The following RTKN2 variants were observed in gnomAD, a reference collection of about 807,000 sequenced individuals.
RTKN2 encodes the protein rhotekin-2.
RTKN2 carries 69 observed loss-of-function variants against 71.5 expected under a neutral mutation model. The ratio of observed to expected loss-of-function variants is 0.96; its 90% CI spans 0.79 to 1.18. The LOEUF is 1.18. Ranked by LOEUF, RTKN2 falls within the 50% of genes most tolerant of loss-of-function variation. The pLI is 0.00. For synonymous variants in RTKN2, 236 were observed against 236.5 expected (o/e 1.00, Z 0.02); for missense variants, 724 against 719.7 (o/e 1.01, Z -0.07).
intron 9 of RTKN2, among the ~76,000 whole-genome samples, chr10:62,214,240 A>C (rs1841721872): frequency 6.6e-6 from 1 of 152,114 alleles, no homozygotes; most frequent in Admixed American, 6.6e-5. Context: ...TTTTATGTCT[A>C]ATTTTAAAAT....
chr10:62,260,164 C>T (rs1200196607), intron 2 of RTKN2, among the ~76,000 whole-genome samples: 1 of 152,280 alleles, frequency 6.6e-6, no homozygotes, highest in East Asian at 1.9e-4. Context: ...AAGGTACAGA[C>T]TGCTAAGTCT....
intron 2 of RTKN2, 48 bp from the exon 3 acceptor site, chr10:62,246,105 A>C (rs751269765): frequency 1.6e-6 from 2 of 1,216,722 alleles, no homozygotes; most frequent in African/African-American, 3.1e-5. Flanking sequence ...TCTAATAAGC[A>C]ATTATTTTAA....
chr10:62,234,800 A>C (rs1842221466), intron 6 of RTKN2, among the ~76,000 whole-genome samples: 2 of 152,184 alleles, frequency 1.3e-5, no homozygotes, highest in African/African-American at 4.8e-5. Flanking sequence ...TTGGCTGTTA[A>C]AAACCATAGA....
At chr10:62,213,280 G>C (rs1188269783) in intron 9 of RTKN2, among the ~76,000 whole-genome samples, 1 of 150,692 alleles carries the variant, frequency 6.6e-6, no homozygotes, top group Non-Finnish European at 1.5e-5. Context: ...ATAGTAAAGA[G>C]GGAAGATTAT....
In RTKN2 at chr10:62,262,646, A is replaced by G. The variant is rs1564532235; in HGVS notation, c.236T>C (p.Ile79Thr). ...TAACCATCTTCCAGTCTGATTTGCA[A>G]TCTGTTCTTCTAATTTCTGTAGCTC... ...TSELQKLEEQ[I>T]ANQTGRCDVK... Residue 79 changes from isoleucine to threonine, a missense_variant, in exon 2 of 12, where the codon ATT becomes ACT. Ile to Thr is a moderately conservative substitution (Grantham distance 89). Coordinates refer to ENST00000373789, the MANE Select transcript of RTKN2 (RefSeq NM_145307.4). 1.2e-6 allele frequency: 2 copies of G among 1,607,200 alleles called. No individual in the cohort carries two copies. Among genetic ancestry groups the G allele is most frequent in the South Asian group, 1.1e-5 (1 of 89,512 alleles).
At chr10:62,246,259 C>T (rs558080305) in intron 2 of RTKN2, among the ~76,000 whole-genome samples, 8 of 152,022 alleles carry the variant, frequency 5.3e-5, no homozygotes, top group Admixed American at 1.3e-4. Context: ...GAGCCACTCC[C>T]GATTTTTCAT....
exon 9 of RTKN2, chr10:62,184,024 C>A (rs758351384): frequency 6.5e-5 from 17 of 262,932 alleles, no homozygotes; most frequent in Non-Finnish European, 1.1e-4. Flanking sequence ...TATTTCTCTT[C>A]ACAGGAGATA....
At chr10:62,224,997 T>C (rs1015990389) in intron 6 of RTKN2, among the ~76,000 whole-genome samples, 3 of 152,132 alleles carry the variant, frequency 2.0e-5, no homozygotes, top group Admixed American at 2.0e-4. Flanking sequence ...TAGGGTCTGA[T>C]TTATATTAAT....
At chr10:62,241,262 G>T (rs527550061) in intron 3 of RTKN2, 67 bp from the exon 4 acceptor site, 3 of 874,080 alleles carry the variant, frequency 3.4e-6, no homozygotes, top group African/African-American at 1.7e-5. Context: ...ACAGTGACCT[G>T]AACCTCTGCA....
intron 8 of RTKN2, 26 bp from the exon 9 acceptor site, chr10:62,217,275 G>A (rs770213150): frequency 9.5e-5 from 136 of 1,426,244 alleles, no homozygotes; most frequent in Middle Eastern, 1.8e-4. Context: ...AAAAAATCAA[G>A]AGACTATCAA....
intron 11 of RTKN2, among the ~76,000 whole-genome samples, 171 bp downstream of exon 11, chr10:62,199,583 A>T (rs7076490): frequency 0.22 from 32,828 of 152,112 alleles, 5,088 homozygotes; most frequent in African/African-American, 0.45. Context: ...ATTATTTTGT[A>T]TTAATTCATC....
chr10:62,193,920 T>G lies in RTKN2; in HGVS notation c.*3988A>C. On this transcript the variant is annotated 3_prime_UTR_variant, in exon 12 of 12. Transcript: ENST00000373789. ...GCTACTTGGTATGTCTTTTTCTGAT[T>G]AAACTGATTCCACCACACTGTCTAC... The G allele has an allele frequency of 2.0e-6, 2 of 980,128 alleles. No individual in the cohort carries two copies. Among genetic ancestry groups the G allele is most frequent in the Non-Finnish European group, 2.4e-6 (2 of 825,042 alleles). The allele number at this position is 980,128 out of a possible 1,614,324, so 60.7% of individuals were successfully genotyped here.
Position 62,236,353 on chromosome 10 carries a change from T to A in RTKN2, c.489-90A>T, listed in dbSNP as rs1589368259. ...TTTTATGTTTATGTAACATTTAAAATCAGCATTTAACATCAGGAAAATGCA... is the reference window on the plus strand; with the variant it reads ...TTTTATGTTTATGTAACATTTAAAAACAGCATTTAACATCAGGAAAATGCA... On this transcript the variant is annotated intron_variant, in intron 5 of 11. Transcript: ENST00000373789. The A allele has an allele frequency of 7.6e-5, 66 of 870,764 alleles. No individual in the cohort carries two copies. In the South Asian group the frequency reaches 1.0e-3, roughly 13 times the overall value. The allele number at this position is 870,764 out of a possible 1,614,324, so 53.9% of individuals were successfully genotyped here. A position where few individuals can be genotyped will look rare whatever the true frequency, so the allele number is the denominator to read the frequency against.
intron 5 of RTKN2, 106 bp downstream of exon 5, chr10:62,239,542 A>G (rs1016862426): frequency 1.8e-6 from 1 of 541,016 alleles, no homozygotes; most frequent in African/African-American, 2.0e-5. Context: ...AGATCACTTA[A>G]ACATTTAAAC....
rs1841455271 is a variant in RTKN2, at chr10:62,202,097, A to G, written c.1187-2236T>C. Among the ~76,000 whole-genome samples the G allele has an allele frequency of 4.6e-5, 7 of 152,106 alleles. No individual in the cohort carries two copies. The South Asian group carries it at 1.4e-3, about 31-fold the overall frequency. ...TTCCAAATCTACCTTAATTTTCTCT[A>G]TCTTTGACCTACCATTCTCTGCTCC... On this transcript the variant is annotated intron_variant, in intron 10 of 11. Transcript: ENST00000373789.
At chr10:62,213,845 G>C (rs1841712934) in intron 9 of RTKN2, among the ~76,000 whole-genome samples, 1 of 151,856 alleles carries the variant, frequency 6.6e-6, no homozygotes, top group South Asian at 2.1e-4. Context: ...GAATCATTTT[G>C]TAAGTTAAGA....
intron 10 of RTKN2, among the ~76,000 whole-genome samples, chr10:62,204,307 C>T (rs2132824911): frequency 6.6e-6 from 1 of 152,190 alleles, no homozygotes; most frequent in Admixed American, 6.5e-5. Flanking sequence ...ACACTAGAGC[C>T]CTATTACATT....
At chr10:62,199,615 T>C (rs1841398570) in intron 11 of RTKN2, 139 bp downstream of exon 11, 1 of 546,354 alleles carries the variant, frequency 1.8e-6, no homozygotes, top group African/African-American at 1.9e-5. Flanking sequence ...AGTTCCTTAG[T>C]CTATAATCAG....
intron 10 of RTKN2, among the ~76,000 whole-genome samples, chr10:62,202,339 G>A (rs1841461358): frequency 6.6e-6 from 1 of 152,022 alleles, no homozygotes; most frequent in African/African-American, 2.4e-5. Context: ...TCAAATAATT[G>A]AAATTTGCTC....
Sources: allele counts gnomAD v4.1 joint callset (sites outside exome capture counted in the v4.1 genomes callset), GRCh38; gene constraint gnomAD v4.1.1; transcripts MANE v1.5; gene names NCBI Gene and HGNC (gene_info 2026-07-23, HGNC 2026-07-21).